The following CNTN4 variants were observed in gnomAD, a reference collection of about 807,000 sequenced individuals.
The protein encoded by CNTN4 is contactin-4.
In CNTN4, 77 loss-of-function variants were observed where a neutral mutation model predicts 122.5. That is an observed-to-expected ratio of 0.63 (90% CI 0.52 to 0.76). The LOEUF (loss-of-function observed/expected upper bound fraction) is 0.76, where lower values mean the gene tolerates loss of function less well. CNTN4 is among the 30% of genes least tolerant of loss of function. The probability of loss-of-function intolerance (pLI) is 0.00; values close to 1 mark genes in which losing one functional copy is unlikely to be tolerated. For synonymous variants in CNTN4, 512 were observed against 447.0 expected (o/e 1.15, Z -1.83); for missense variants, 1,256 against 1,259.1 (o/e 1.00, Z 0.04).
chr3:2,101,438 G>A (rs527826087), intron 2 of CNTN4, among the ~76,000 whole-genome samples: 2 of 152,244 alleles, frequency 1.3e-5, no homozygotes, highest in African/African-American at 4.8e-5. Context: ...ATATGCATTA[G>A]CTTCAATCTC....
intron 2 of CNTN4, among the ~76,000 whole-genome samples, chr3:2,130,827 C>T (rs950149101): frequency 6.6e-5 from 10 of 152,230 alleles, no homozygotes; most frequent in South Asian, 2.1e-4. Flanking sequence ...GATTTTAGAA[C>T]GGTAGTATGC....
chr3:2,201,694 A>G (rs2038101748), intron 2 of CNTN4, among the ~76,000 whole-genome samples: 1 of 152,178 alleles, frequency 6.6e-6, no homozygotes, highest in African/African-American at 2.4e-5. Flanking sequence ...GTGACCTCAC[A>G]ATAAAAAGCC....
intron 2 of CNTN4, among the ~76,000 whole-genome samples, chr3:2,316,851 TC>T (rs912793240): frequency 1.3e-5 from 2 of 152,212 alleles, no homozygotes; most frequent in African/African-American, 2.4e-5. Flanking sequence ...TCCATGGTTT[TC>T]TTTAAAATGC....
At chr3:2,340,259 G>A (rs1199479918) in intron 3 of CNTN4, among the ~76,000 whole-genome samples, 1 of 152,104 alleles carries the variant, frequency 6.6e-6, no homozygotes, top group Non-Finnish European at 1.5e-5. Flanking sequence ...TGTTAACAAT[G>A]TATTTATGGG....
At chr3:2,265,014 C>T (rs986108814) in intron 2 of CNTN4, among the ~76,000 whole-genome samples, 2 of 152,006 alleles carry the variant, frequency 1.3e-5, no homozygotes, top group Non-Finnish European at 2.9e-5. Flanking sequence ...TCACGCCACT[C>T]GTACTCTTTC....
At chr3:2,394,396 C>T (rs1559514771) in intron 3 of CNTN4, among the ~76,000 whole-genome samples, 1 of 152,116 alleles carries the variant, frequency 6.6e-6, no homozygotes. Context: ...TGATCTACTG[C>T]TAACCCAAAG....
chr3:2,398,014 A>G (rs536766105), intron 3 of CNTN4, among the ~76,000 whole-genome samples: 97 of 152,276 alleles, frequency 6.4e-4, no homozygotes, highest in Non-Finnish European at 1.0e-3. Flanking sequence ...TACCTTGACT[A>G]TGCTCTACTG....
At chr3:2,150,603 G>C (rs1285706104) in intron 2 of CNTN4, among the ~76,000 whole-genome samples, 1 of 152,156 alleles carries the variant, frequency 6.6e-6, no homozygotes, top group Non-Finnish European at 1.5e-5. Context: ...TTAATCATTT[G>C]AAACATCAGA....
chr3:2,760,830 ACTCATTT>A (rs1183563811), intron 6 of CNTN4, among the ~76,000 whole-genome samples: 3 of 152,134 alleles, frequency 2.0e-5, no homozygotes. Context: ...TTGAGGTAGA[ACTCATTT>A]GTCCTTACTC....
chr3:2,961,568 C>T (rs900642426), intron 13 of CNTN4, among the ~76,000 whole-genome samples: 61 of 152,040 alleles, frequency 4.0e-4, no homozygotes, highest in Non-Finnish European at 6.8e-4. Context: ...TTTTATTTTC[C>T]TCACTGCCTG....
chr3:2,284,499 ATT>A (rs2041835418), intron 2 of CNTN4, among the ~76,000 whole-genome samples: 1 of 152,016 alleles, frequency 6.6e-6, no homozygotes, highest in Non-Finnish European at 1.5e-5. Context: ...AATGAATCTT[ATT>A]TATACCAAAC....
chr3:2,430,032 C>T (rs1432652854), intron 3 of CNTN4, among the ~76,000 whole-genome samples: 3 of 152,122 alleles, frequency 2.0e-5, no homozygotes, highest in Non-Finnish European at 2.9e-5. Flanking sequence ...GAGGTGATGC[C>T]TCGCTCTGCT....
At chr3:2,880,453 T>C (rs2093894525) in intron 8 of CNTN4, among the ~76,000 whole-genome samples, 2 of 152,214 alleles carry the variant, frequency 1.3e-5, no homozygotes, top group East Asian at 3.9e-4. Flanking sequence ...CTCAAAGTCA[T>C]ACTACTGATA....
At chr3:2,542,622 T>C (rs1412244295) in intron 3 of CNTN4, among the ~76,000 whole-genome samples, 1 of 152,126 alleles carries the variant, frequency 6.6e-6, no homozygotes, top group African/African-American at 2.4e-5. Flanking sequence ...GAGATTAAGG[T>C]ACAAATATTT....
intron 14 of CNTN4, among the ~76,000 whole-genome samples, chr3:2,999,606 G>A (rs1695847618): frequency 1.3e-5 from 2 of 152,056 alleles, no homozygotes; most frequent in Non-Finnish European, 1.5e-5. Context: ...GAGGAACACT[G>A]TGTCCAGAGG....
chr3:2,372,600 A>T (rs1014903296), intron 3 of CNTN4, among the ~76,000 whole-genome samples: 8 of 152,206 alleles, frequency 5.3e-5, no homozygotes, highest in African/African-American at 1.9e-4. Flanking sequence ...AAGTAAATTC[A>T]TTGTCTTTTG....
chr3:2,323,963 G>C (rs1336806148), intron 2 of CNTN4, among the ~76,000 whole-genome samples: 1 of 152,166 alleles, frequency 6.6e-6, no homozygotes, highest in Non-Finnish European at 1.5e-5. Context: ...GTTATTCCTA[G>C]AGAAGGGCTT....
intron 4 of CNTN4, among the ~76,000 whole-genome samples, chr3:2,704,893 C>A (rs368555100): frequency 1.3e-5 from 2 of 152,148 alleles, no homozygotes; most frequent in East Asian, 3.9e-4. Flanking sequence ...TTTTCCTTAA[C>A]CATCTCAACT....
intron 2 of CNTN4, among the ~76,000 whole-genome samples, chr3:2,147,028 T>A (rs781669212): frequency 6.6e-6 from 1 of 151,958 alleles, no homozygotes; most frequent in African/African-American, 2.4e-5. Flanking sequence ...CTATAGGCAC[T>A]CACCACCATG....
Sources: gnomAD v4.1 joint callset for allele counts (sites outside exome capture counted in the v4.1 genomes callset) on GRCh38, gnomAD v4.1.1 for gene constraint, MANE v1.5 for transcripts, NCBI Gene and HGNC (gene_info 2026-07-23, HGNC 2026-07-21) for gene names.